HOXA11: variants seen among roughly 807,000 people sequenced by gnomAD.
HOXA11 encodes the protein homeobox A11, also known as homeobox protein Hox-A11.
In HOXA11, 8 loss-of-function variants were observed where a neutral mutation model predicts 22.5. That is an observed-to-expected ratio of 0.36 (90% CI 0.21 to 0.64). The LOEUF is 0.64. HOXA11 is among the 30% of genes least tolerant of loss of function. The probability of loss-of-function intolerance (pLI) is 0.67; values close to 1 mark genes in which losing one functional copy is unlikely to be tolerated. For missense variants in HOXA11, 388 were observed against 429.0 expected, an observed-to-expected ratio of 0.90 and a Z score of 0.84; for synonymous variants, 211 against 188.4, an observed-to-expected ratio of 1.12 and a Z score of -0.98.
rs762751004 is a variant in HOXA11 at position 27,181,598 on chromosome 7, A to G, written c.*1198T>C. On this transcript the variant is annotated 3_prime_UTR_variant, in exon 2 of 2. Coordinates refer to ENST00000006015, the MANE Select transcript of HOXA11 (RefSeq NM_005523.6). ...ATTCAAATATTCTTAGCAGTGAGCG[A>G]GTTTAACCACGGAACACTGTAAACA... 2.1e-5 allele frequency: 4 copies of G among 189,218 alleles called. No individual in the cohort carries two copies. Among genetic ancestry groups the G allele is most frequent in the Non-Finnish European group, 3.3e-5 (3 of 89,790 alleles). The allele number at this position is 189,218 out of a possible 1,614,324, so 11.7% of individuals were successfully genotyped here. A position where few individuals can be genotyped will look rare whatever the true frequency, so the allele number is the denominator to read the frequency against.
At position 27,181,292 on chromosome 7, in the gene HOXA11, C is replaced by T. The variant is rs917730779; in HGVS notation, c.*1504G>A. 1.3e-5 allele frequency among the ~76,000 whole-genome samples: 2 copies of T among 152,230 alleles called. No individual in the cohort carries two copies. Among genetic ancestry groups the T allele is most frequent in the African/African-American group, 4.8e-5 (2 of 41,450 alleles). On this transcript the variant is annotated 3_prime_UTR_variant, in exon 2 of 2. Transcript: ENST00000006015. ...AATGGAGCCAACAGACATTTCTTAACACAGGGAGGCAAAGGAGATTCAATG... is the reference window on the plus strand; with the variant it reads ...AATGGAGCCAACAGACATTTCTTAATACAGGGAGGCAAAGGAGATTCAATG...
Position 27,184,889 on chromosome 7 carries a change from C to G in HOXA11, c.256G>C (p.Glu86Gln). ...RGNLAHCYSA[E>Q]ELVHRDCLQA... ...AGGCAGTCTCTGTGCACGAGCTCCTCCGCGGAGTAGCAGTGGGCCAGATTG... is the reference window on the plus strand; with the variant it reads ...AGGCAGTCTCTGTGCACGAGCTCCTGCGCGGAGTAGCAGTGGGCCAGATTG... The change falls in exon 1 of 2, where the codon GAG becomes CAG. Residue 86 changes from glutamate (E) to glutamine (Q), a missense_variant. This residue lies in a region of HOXA11 where 295 missense variants were observed against 281.1 expected (regional missense o/e 1.05). Coordinates refer to ENST00000006015, the MANE Select transcript of HOXA11 (RefSeq NM_005523.6). 6.2e-7 allele frequency: 1 copy of G among 1,614,096 alleles called. No homozygotes were observed. The highest frequency in any genetic ancestry group is 8.5e-7 in the Non-Finnish European group (1 of 1,179,996).
rs755805936 is a variant in HOXA11 at position 27,182,793 on chromosome 7, G to A, written c.*3C>T. 1.0e-5 allele frequency: 16 copies of A among 1,566,752 alleles called. No homozygotes were observed. In the African/African-American group the frequency reaches 1.9e-4, roughly 19 times the overall value. ...CCCCCACCCAATTCCAGCCGCTGGA[G>A]TCTTAGAGGAGTGGATTTGCTGAGT... On this transcript the variant is annotated 3_prime_UTR_variant, in exon 2 of 2. Transcript: ENST00000006015.
chr7:27,184,178 G>A (rs150153931), intron 1 of HOXA11, among the ~76,000 whole-genome samples: 1 of 152,274 alleles, frequency 6.6e-6, no homozygotes, highest in Non-Finnish European at 1.5e-5. Flanking sequence ...GCTGGGCTTG[G>A]GAGCTGAGAA....
In HOXA11 at chr7:27,182,168, G is replaced by T. The variant is rs934154370; in HGVS notation, c.*628C>A. ...AGGAGGCGGTGGCTAGGAACTCAGG[G>T]CTGGATCAGTGTGGTGGGTGGCTAG... On this transcript the variant is annotated 3_prime_UTR_variant, in exon 2 of 2. Coordinates refer to ENST00000006015, the MANE Select transcript of HOXA11 (RefSeq NM_005523.6). 4 of 239,826 alleles carry T rather than the reference G, an allele frequency of 1.7e-5. No individual in the cohort carries two copies. Among genetic ancestry groups the T allele is most frequent in the African/African-American group, 8.8e-5 (4 of 45,370 alleles). 14.9% of individuals were successfully genotyped at this position (239,826 alleles called of 1,614,324 possible).
Position 27,182,538 on chromosome 7 carries a change from G to C in HOXA11, c.*258C>G, listed in dbSNP as rs1409994124. On this transcript the variant is annotated 3_prime_UTR_variant, in exon 2 of 2. Coordinates refer to ENST00000006015, the MANE Select transcript of HOXA11 (RefSeq NM_005523.6). ...CAGCCCGCAGCTCTGCAGGCTCCAA[G>C]AGTGAACCACCAGGGGTCCCAAACC... 1 of 538,956 alleles carries C rather than the reference G, an allele frequency of 1.9e-6. No individual in the cohort carries two copies. Among genetic ancestry groups the C allele is most frequent in the East Asian group, 3.3e-5 (1 of 30,456 alleles). 33.4% of individuals were successfully genotyped at this position (538,956 alleles called of 1,614,324 possible).
At position 27,181,482 on chromosome 7, in the gene HOXA11, G is replaced by GA. The variant is rs1202283279; in HGVS notation, c.*1313dup. The GA allele has an allele frequency of 1.0e-5, 2 of 194,778 alleles. No homozygotes were observed. Among genetic ancestry groups the GA allele is most frequent in the Admixed American group, 6.1e-5 (1 of 16,402 alleles). The allele number at this position is 194,778 out of a possible 1,614,324, so 12.1% of individuals were successfully genotyped here. A position where few individuals can be genotyped will look rare whatever the true frequency, so the allele number is the denominator to read the frequency against. ...TAAAGGAAATCAACTAATGGCAAAA[G>GA]AAAAAAGAAAAAGAGAAAGAAAGAA... is the stretch of plus-strand genomic sequence containing the variant. On this transcript the variant is annotated 3_prime_UTR_variant, in exon 2 of 2. Transcript: ENST00000006015.
rs974627662 is a variant in HOXA11, at chr7:27,182,966, G to A, written c.772C>T (p.Arg258Trp). ...ATGTAGACGCTGAAGAAGAACTCCC[G>A]TTCCAGCTCTCGGATCTGGTACTTG... ...YTKYQIRELE[R>W]EFFFSVYINK... The change falls in exon 2 of 2, where the codon CGG becomes TGG. Residue 258 changes from arginine to tryptophan, a missense_variant. This residue lies in a region of HOXA11 where 55 missense variants were observed against 90.8 expected (regional missense o/e 0.61). Coordinates refer to ENST00000006015, the MANE Select transcript of HOXA11 (RefSeq NM_005523.6). 3 of 1,614,040 alleles carry A rather than the reference G, an allele frequency of 1.9e-6. No individual in the cohort carries two copies. The highest frequency in any genetic ancestry group is 2.7e-5 in the African/African-American group (2 of 74,924).
chr7:27,183,775 A>G (rs931328770), intron 1 of HOXA11, among the ~76,000 whole-genome samples: 2 of 139,778 alleles, frequency 1.4e-5, no homozygotes, highest in African/African-American at 5.4e-5. Context: ...AAAAAAAAAG[A>G]CCCACAAGAC....
In HOXA11 at chr7:27,184,613, C is replaced by T. The variant is rs908837065; in HGVS notation, c.532G>A (p.Ala178Thr). 5 of 1,521,468 alleles carry T rather than the reference C, an allele frequency of 3.3e-6. No homozygotes were observed. The highest frequency in any genetic ancestry group is 3.5e-6 in the Non-Finnish European group (4 of 1,136,120). 94.2% of individuals were successfully genotyped at this position (1,521,468 alleles called of 1,614,324 possible). The change falls in exon 1 of 2, where the codon GCG becomes ACG. Residue 178 changes from alanine (A) to threonine (T), a missense_variant. Coordinates refer to ENST00000006015, the MANE Select transcript of HOXA11 (RefSeq NM_005523.6). ...GPPAATATSA[A>T]AAAAATGAPA... Reference sequence around the variant, plus strand: ...GCGCCCGTTGCAGCCGCCGCCGCCGCCGCGGAGGTCGCCGTGGCCGCCGGG... The same window carrying T: ...GCGCCCGTTGCAGCCGCCGCCGCCGTCGCGGAGGTCGCCGTGGCCGCCGGG...
chr7:27,183,020 G>A lies in HOXA11; in HGVS notation c.718C>T (p.Arg240Cys). The change falls in exon 2 of 2, where the codon CGC becomes TGC. Residue 240 changes from arginine to cysteine, a missense_variant. Around this residue, in one of 4 missense-constraint regions of HOXA11, gnomAD observed 295 missense variants for 281.1 expected, o/e 1.05. Coordinates refer to ENST00000006015, the MANE Select transcript of HOXA11 (RefSeq NM_005523.6). ...TAGGGGCAGCGCTTTTTGCGGGTGCGTTGGCCACCTGTGGAGGGAGAAAAG... is the reference window on the plus strand; with the variant it reads ...TAGGGGCAGCGCTTTTTGCGGGTGCATTGGCCACCTGTGGAGGGAGAAAAG... ...EDKAGGSSGQ[R>C]TRKKRCPYTK... The A allele has an allele frequency of 1.2e-6, 2 of 1,612,930 alleles. No individual in the cohort carries two copies. The highest frequency in any genetic ancestry group is 1.1e-5 in the South Asian group (1 of 91,032).
At position 27,185,224 on chromosome 7, in the gene HOXA11, G is replaced by C. The variant is rs777990694; in HGVS notation, c.-80C>G. 1 of 1,596,918 alleles carries C rather than the reference G, an allele frequency of 6.3e-7. No individual in the cohort carries two copies. Among genetic ancestry groups the C allele is most frequent in the Non-Finnish European group, 8.6e-7 (1 of 1,168,790 alleles). On this transcript the variant is annotated 5_prime_UTR_variant, in exon 1 of 2. Transcript: ENST00000006015. ...GCAGCTGCCTCTTTGAAGCGGATCC[G>C]TGAAGTAGAAATTTGGAGACGTAAG...
At chr7:27,183,380 TA>T (rs924405576) in intron 1 of HOXA11, among the ~76,000 whole-genome samples, 4 of 152,216 alleles carry the variant, frequency 2.6e-5, no homozygotes, top group African/African-American at 9.6e-5. Flanking sequence ...CAGGCCAGAC[TA>T]AACAAACAGC....
At position 27,184,476 on chromosome 7, in the gene HOXA11, C is replaced by T; in HGVS notation, c.669G>A (p.Glu223=). The T allele has an allele frequency of 1.3e-6, 2 of 1,553,822 alleles. No individual in the cohort carries two copies. The highest frequency in any genetic ancestry group is 1.7e-6 in the Non-Finnish European group (2 of 1,149,820). The part of the protein sequence containing the change: ...RRRPESSSSP[E]SSSGHTEDKA... The stretch of plus-strand genomic sequence containing the variant: ...TGTCCTCAGTGTGGCCGGAAGACGA[C>T]TCGGGGCTGCTGCTGCTCTCGGGGC... The change falls in exon 1 of 2, where the codon GAG becomes GAA. Residue 223 remains glutamate (E), a synonymous_variant. Coordinates refer to ENST00000006015, the MANE Select transcript of HOXA11 (RefSeq NM_005523.6).
rs556093658 is a variant in HOXA11, at chr7:27,184,284, G to T, written c.709+152C>A. The T allele has an allele frequency of 6.8e-5, 48 of 702,260 alleles. No individual in the cohort carries two copies. The African/African-American group carries it at 8.9e-4, about 13-fold the overall frequency. The allele number at this position is 702,260 out of a possible 1,614,324, so 43.5% of individuals were successfully genotyped here. A position where few individuals can be genotyped will look rare whatever the true frequency, so the allele number is the denominator to read the frequency against. Reference sequence around the variant, plus strand: ...ATTTCAGCACTCGCCACGTGATCCCGCCTTTTATAACAAAGTTTTGTTGGG... The same window carrying T: ...ATTTCAGCACTCGCCACGTGATCCCTCCTTTTATAACAAAGTTTTGTTGGG... On this transcript the variant is annotated intron_variant, in intron 1 of 1. Coordinates refer to ENST00000006015, the MANE Select transcript of HOXA11 (RefSeq NM_005523.6).
chr7:27,184,225 AGGCATGCCTT>A (rs1414407695), intron 1 of HOXA11, among the ~76,000 whole-genome samples: 1 of 151,734 alleles, frequency 6.6e-6, no homozygotes, highest in Non-Finnish European at 1.5e-5. Flanking sequence ...TTTTTTTTGC[AGGCATGCCTT>A]GGCCGGTGGG....
At position 27,184,755 on chromosome 7, in the gene HOXA11, C is replaced by A; in HGVS notation, c.390G>T (p.Val130=). Residue 130 remains valine, a synonymous_variant, in exon 1 of 2, where the codon GTG becomes GTT. Transcript: ENST00000006015. ...CCTGTGGCAGGACGCCGTTCCTGCC[C>A]ACGGTGCTATAGAAATTGGACGAGA... is the stretch of plus-strand genomic sequence containing the variant. ...PAVSSNFYST[V]GRNGVLPQAF... is the part of the protein sequence containing the mutation. The A allele has an allele frequency of 1.2e-6, 2 of 1,613,832 alleles. No individual in the cohort carries two copies. The highest frequency in any genetic ancestry group is 1.7e-6 in the Non-Finnish European group (2 of 1,179,940).
At chr7:27,183,608 G>A (rs1783803032) in intron 1 of HOXA11, among the ~76,000 whole-genome samples, 1 of 152,208 alleles carries the variant, frequency 6.6e-6, no homozygotes, top group Non-Finnish European at 1.5e-5. Context: ...GGCGGCGGAA[G>A]CCCCCTACCC....
chr7:27,181,351 A>C lies in HOXA11; in HGVS notation c.*1445T>G, dbSNP rs2115460009. Among the ~76,000 whole-genome samples, 1 of 152,344 alleles carries C rather than the reference A, an allele frequency of 6.6e-6. No individual in the cohort carries two copies. The highest frequency in any genetic ancestry group is 1.5e-5 in the Non-Finnish European group (1 of 68,034). On this transcript the variant is annotated 3_prime_UTR_variant, in exon 2 of 2. Transcript: ENST00000006015. ...CCTGGCTTTCCCAGATGAGATCCCC[A>C]GGCCGGCCAGGCCGACTGCCTCTGA...
Sources: allele counts gnomAD v4.1 joint callset (sites outside exome capture counted in the v4.1 genomes callset), GRCh38; gene constraint gnomAD v4.1.1; regional missense constraint gnomAD v4.1.1; transcripts MANE v1.5; gene names NCBI Gene and HGNC (gene_info 2026-07-23, HGNC 2026-07-21).